Variants in RFX7 observed in about 807,000 individuals in gnomAD.
RFX7 encodes the protein regulatory factor X7.
RFX7 carries 26 observed loss-of-function variants against 111.8 expected under a neutral mutation model. That is an observed-to-expected ratio of 0.23 (90% confidence interval 0.17 to 0.32). The LOEUF is 0.32. Ranked by LOEUF, RFX7 falls within the 10% of genes least tolerant of loss-of-function variation. The probability of loss-of-function intolerance (pLI) is 1.00; values close to 1 mark genes in which losing one functional copy is unlikely to be tolerated. For synonymous variants in RFX7, 624 were observed against 624.4 expected (o/e 1.00, Z 0.01); for missense variants, 1,573 against 1,772.9 (o/e 0.89, Z 2.02).
chr15:56,102,373 T>G (rs948599993), intron 6 of RFX7, 120 bp from the exon 7 acceptor site: 2 of 548,574 alleles, frequency 3.6e-6, no homozygotes, highest in African/African-American at 3.9e-5. Flanking sequence ...ACATCTACTT[T>G]CTGAATTCTT....
Position 56,102,167 on chromosome 15 carries a change from A to C in RFX7, c.603+2T>G. ...ATTAAAAAGAAAAGGCTGAATTCTT[A>C]CCCCATCTCCAGTTTTGTGAAAGTC... On this transcript the variant is annotated splice_donor_variant, in intron 7 of 9. Transcript: ENST00000559447. LOFTEE classifies it high-confidence loss of function. The C allele has an allele frequency of 6.2e-7, 1 of 1,604,000 alleles. No individual in the cohort carries two copies. The highest frequency in any genetic ancestry group is 8.5e-7 in the Non-Finnish European group (1 of 1,173,110).
chr15:56,110,191 A>G (rs1436399753), intron 5 of RFX7, among the ~76,000 whole-genome samples: 6 of 93,330 alleles, frequency 6.4e-5, no homozygotes, highest in Admixed American at 1.3e-4. Context: ...AGGTGAGGGG[A>G]GCCTCTGCCT....
chr15:56,232,534 C>G (rs540808370), intron 2 of RFX7, among the ~76,000 whole-genome samples: 1 of 152,300 alleles, frequency 6.6e-6, no homozygotes, highest in South Asian at 2.1e-4. Flanking sequence ...ACACTTGTTT[C>G]CTCGTTACTT....
intron 3 of RFX7, among the ~76,000 whole-genome samples, chr15:56,160,490 T>C (rs1401357728): frequency 6.6e-6 from 1 of 152,062 alleles, no homozygotes; most frequent in Non-Finnish European, 1.5e-5. Context: ...ATAATTATGC[T>C]TGAATTTGTC....
chr15:56,200,056 GTCT>G (rs2043178945), intron 2 of RFX7, among the ~76,000 whole-genome samples: 1 of 152,100 alleles, frequency 6.6e-6, no homozygotes, highest in South Asian at 2.1e-4. Flanking sequence ...TTGTGCCCCA[GTCT>G]TACCATTTTG....
Position 56,243,841 on chromosome 15 carries a change from T to A in RFX7, c.-399A>T, listed in dbSNP as rs1226656712. 6.8e-6 allele frequency among the ~76,000 whole-genome samples: 1 copy of A among 147,168 alleles called. No homozygotes were observed. The highest frequency in any genetic ancestry group is 2.0e-4 in the East Asian group (1 of 5,118). On this transcript the variant is annotated 5_prime_UTR_variant, in exon 1 of 10. Transcript: ENST00000559447. ...GCCCCGCCGCCGCCGCGGCCGCCGC[T>A]GCCCTGCCAGCCCCGGAGGCAGCCC... is the stretch of plus-strand genomic sequence containing the variant.
At chr15:56,130,889 T>C (rs1484099635) in intron 5 of RFX7, among the ~76,000 whole-genome samples, 4 of 152,004 alleles carry the variant, frequency 2.6e-5, no homozygotes, top group Non-Finnish European at 5.9e-5. Flanking sequence ...ATGAATAAAG[T>C]AAAAACCTAA....
chr15:56,129,693 G>A (rs1595948596), intron 5 of RFX7, among the ~76,000 whole-genome samples: 1 of 152,182 alleles, frequency 6.6e-6, no homozygotes, highest in Non-Finnish European at 1.5e-5. Flanking sequence ...TGAATACAAA[G>A]TGAAGAGATC....
At chr15:56,134,608 TTTTTA>T (rs2042267074) in intron 5 of RFX7, among the ~76,000 whole-genome samples, 1 of 89,990 alleles carries the variant, frequency 1.1e-5, no homozygotes, top group Admixed American at 1.7e-4. Flanking sequence ...TTTTTTTTTT[TTTTTA>T]CTTTCTTTTT....
chr15:56,168,264 TAATA>T (rs1247243313), intron 3 of RFX7, among the ~76,000 whole-genome samples: 1 of 152,188 alleles, frequency 6.6e-6, no homozygotes, highest in African/African-American at 2.4e-5. Context: ...TCATAGTAAT[TAATA>T]AATACTAACA....
intron 5 of RFX7, among the ~76,000 whole-genome samples, chr15:56,129,359 G>C (rs1406686171): frequency 3.4e-5 from 5 of 149,128 alleles, no homozygotes; most frequent in South Asian, 4.2e-4. Flanking sequence ...TAGGTGACAA[G>C]AGTGAGACTC....
At chr15:56,100,266 T>G (rs1347205805) in intron 8 of RFX7, among the ~76,000 whole-genome samples, 1 of 152,212 alleles carries the variant, frequency 6.6e-6, no homozygotes, top group Admixed American at 6.5e-5. Context: ...ATAAGTGAGC[T>G]ATTTAGCTCG....
In RFX7 at chr15:56,087,576, T is replaced by G. The variant is rs941871440; in HGVS notation, c.*5769A>C. The G allele has an allele frequency of 4.2e-5, 19 of 456,444 alleles. No individual in the cohort carries two copies. The highest frequency in any genetic ancestry group is 8.4e-5 in the Non-Finnish European group (19 of 226,878). The allele number at this position is 456,444 out of a possible 1,614,324, so 28.3% of individuals were successfully genotyped here. A position where few individuals can be genotyped will look rare whatever the true frequency, so the allele number is the denominator to read the frequency against. On this transcript the variant is annotated 3_prime_UTR_variant, in exon 10 of 10. Coordinates refer to ENST00000559447, the MANE Select transcript of RFX7 (RefSeq NM_022841.7). Reference sequence around the variant, plus strand: ...TGAGTACTTGGTAAGTGTCTCCACTTAACTGCAAGGGAAGTTGGCAGATGC... The same window carrying G: ...TGAGTACTTGGTAAGTGTCTCCACTGAACTGCAAGGGAAGTTGGCAGATGC...
At chr15:56,144,908 A>G (rs1186714588) in intron 3 of RFX7, among the ~76,000 whole-genome samples, 7 of 152,176 alleles carry the variant, frequency 4.6e-5, no homozygotes, top group Admixed American at 2.0e-4. Flanking sequence ...TAGAACTATA[A>G]AATGAATGAC....
chr15:56,168,861 T>C (rs951134595), intron 3 of RFX7, among the ~76,000 whole-genome samples: 19 of 152,196 alleles, frequency 1.2e-4, no homozygotes, highest in East Asian at 1.9e-4. Context: ...CCATCAGTGA[T>C]GTGACACAAC....
intron 2 of RFX7, among the ~76,000 whole-genome samples, chr15:56,196,460 T>G (rs894441450): frequency 6.6e-6 from 1 of 152,070 alleles, no homozygotes; most frequent in African/African-American, 2.4e-5. Flanking sequence ...TTTAAAAAAA[T>G]TTACTTAATA....
At chr15:56,239,273 TACAA>T (rs2141244861) in intron 2 of RFX7, among the ~76,000 whole-genome samples, 1 of 149,166 alleles carries the variant, frequency 6.7e-6, no homozygotes, top group Admixed American at 6.7e-5. Context: ...GTAATTTTTA[TACAA>T]TTTTTTTTTT....
intron 3 of RFX7, among the ~76,000 whole-genome samples, chr15:56,152,944 A>G (rs113389499): frequency 0.015 from 2,252 of 152,268 alleles, 65 homozygotes; most frequent in African/African-American, 0.053. Flanking sequence ...CTATGCAAAT[A>G]AACTGGAAAA....
At chr15:56,140,041 A>T (rs1224466961) in intron 5 of RFX7, among the ~76,000 whole-genome samples, 1 of 152,098 alleles carries the variant, frequency 6.6e-6, no homozygotes, top group Non-Finnish European at 1.5e-5. Context: ...GGGACATTTA[A>T]GTCTGCAGAG....
Sources: gnomAD v4.1 joint callset for allele counts (sites outside exome capture counted in the v4.1 genomes callset) on GRCh38, gnomAD v4.1.1 for gene constraint, MANE v1.5 for transcripts, NCBI Gene and HGNC (gene_info 2026-07-23, HGNC 2026-07-21) for gene names.